CEP350: variants seen among roughly 807,000 people sequenced by gnomAD.
The protein encoded by CEP350 is centrosomal protein 350, also known as centrosome-associated protein 350.
CEP350 carries 126 observed loss-of-function variants against 331.8 expected under a neutral mutation model. The observed-to-expected ratio is 0.38, with a 90% CI of 0.33 to 0.44. The LOEUF is 0.44. Among genes scored for constraint, CEP350 ranks in the 20% least tolerant of loss-of-function variants. The pLI is 1.00. For missense variants in CEP350, 3,406 were observed against 3,634.6 expected (o/e 0.94, Z 1.62); for synonymous variants, 1,200 against 1,259.5 (o/e 0.95, Z 1.00).
intron 1 of CEP350, among the ~76,000 whole-genome samples, chr1:179,983,847 G>A (rs1437717058): frequency 1.3e-5 from 2 of 152,160 alleles, no homozygotes; most frequent in Admixed American, 6.5e-5. Context: ...TGGTAGGTAC[G>A]TGGGCAAAGG....
chr1:180,074,944 G>A, intron 27 of CEP350, 78 bp from the exon 28 acceptor site: 2 of 1,219,634 alleles, frequency 1.6e-6, no homozygotes, highest in Non-Finnish European at 2.3e-6. Context: ...TTGATAAGGT[G>A]GTGAGTGATA....
In CEP350 at chr1:180,093,099, A is replaced by G. The variant is rs770774300; in HGVS notation, c.6994A>G (p.Arg2332Gly). 3 of 1,603,574 alleles carry G rather than the reference A, an allele frequency of 1.9e-6. No homozygotes were observed. The South Asian group carries it at 3.4e-5, about 18-fold the overall frequency. Residue 2332 changes from arginine (R) to glycine (G), a missense_variant, in exon 34 of 38, where the codon AGA becomes GGA. Around this residue, in one of 5 missense-constraint regions of CEP350, gnomAD observed 1,415 missense variants for 1,512.3 expected, o/e 0.94. Transcript: ENST00000367607. ...LHKSEEMLKERQSDQDMNHSP... is the reference protein window; with the variant it reads ...LHKSEEMLKEGQSDQDMNHSP... ...TAAAAGTGAGGAAATGTTGAAAGAG[A>G]GACAGTCAGATCAAGATATGAATCA...
At chr1:180,006,318 A>G (rs112064719) in intron 7 of CEP350, 136 bp from the exon 8 acceptor site, 3 of 600,358 alleles carry the variant, frequency 5.0e-6, no homozygotes, top group African/African-American at 1.9e-5. Flanking sequence ...TATGTGGGCC[A>G]TAGAAGTAGC....
rs368849232 is a variant in CEP350, at chr1:180,075,000, G to A, written c.5568-22G>A. The A allele has an allele frequency of 7.5e-4, 1,197 of 1,587,652 alleles. 2 individuals carry two copies. The highest frequency in any genetic ancestry group is 9.6e-4 in the Non-Finnish European group (1,121 of 1,168,242). On this transcript the variant is annotated intron_variant, in intron 27 of 37. Coordinates refer to ENST00000367607, the MANE Select transcript of CEP350 (RefSeq NM_014810.5). ...GCATATAGGTTTTTTCTCTCAAACT[G>A]TTCTTCATGGTGTGACCATAGGTTT...
rs542056913 is a variant in CEP350, at chr1:180,031,383, G to A, written c.3614G>A (p.Gly1205Asp). The change falls in exon 15 of 38, where the codon GGC becomes GAC. Residue 1205 changes from glycine to aspartate, a missense_variant. Physicochemically the swap from Gly to Asp is moderately conservative, Grantham distance 94. Coordinates refer to ENST00000367607, the MANE Select transcript of CEP350 (RefSeq NM_014810.5). Reference sequence around the variant, plus strand: ...CTTGATGAGGAAAAAGCAGAACGTGGCTCCCATCAAGGAAAGAAATCTGGG... The same window carrying A: ...CTTGATGAGGAAAAAGCAGAACGTGACTCCCATCAAGGAAAGAAATCTGGG... ...SLLDEEKAER[G>D]SHQGKKSGTS... is the part of the protein sequence containing the mutation. 1.1e-5 allele frequency: 17 copies of A among 1,607,642 alleles called. No homozygotes were observed. The African/African-American group carries it at 1.5e-4, about 14-fold the overall frequency.
At chr1:180,060,415 A>AAGAGATCTC (rs1658123634) in intron 25 of CEP350, among the ~76,000 whole-genome samples, 1 of 152,212 alleles carries the variant, frequency 6.6e-6, no homozygotes, top group South Asian at 2.1e-4. Flanking sequence ...TTGGGAGGCC[A>AAGAGATCTC]AAGACAGATC....
chr1:179,955,765 A>G (rs1458237621), intron 1 of CEP350, among the ~76,000 whole-genome samples: 1 of 152,262 alleles, frequency 6.6e-6, no homozygotes, highest in East Asian at 1.9e-4. Flanking sequence ...GATTTTAAAT[A>G]TTCAGATAGA....
chr1:180,082,982 G>A (rs1280406148), intron 30 of CEP350, among the ~76,000 whole-genome samples: 1 of 152,162 alleles, frequency 6.6e-6, no homozygotes, highest in African/African-American at 2.4e-5. Flanking sequence ...TGTCATAGAA[G>A]TGACAGGAAC....
intron 37 of CEP350, among the ~76,000 whole-genome samples, chr1:180,103,096 A>C (rs1024698009): frequency 6.6e-6 from 1 of 152,242 alleles, no homozygotes; most frequent in Non-Finnish European, 1.5e-5. Context: ...TCTGATTTAC[A>C]TAGGGCCCAC....
chr1:180,068,462 T>C (rs1301287891), intron 27 of CEP350, among the ~76,000 whole-genome samples: 1 of 152,116 alleles, frequency 6.6e-6, no homozygotes, highest in Non-Finnish European at 1.5e-5. Context: ...TCTCAATGTT[T>C]TTGGTTTTAT....
intron 31 of CEP350, chr1:180,087,093 CTT>C (rs550044740): frequency 1.3e-5 from 2 of 151,298 alleles, no homozygotes; most frequent in African/African-American, 2.4e-5. Flanking sequence ...AACCAGGAAA[CTT>C]TTTTTTTGTA....
At chr1:179,985,860 C>G (rs968116473) in intron 1 of CEP350, among the ~76,000 whole-genome samples, 1 of 152,104 alleles carries the variant, frequency 6.6e-6, no homozygotes, top group African/African-American at 2.4e-5. Context: ...GGACACAGAA[C>G]CAAACCATAT....
intron 1 of CEP350, among the ~76,000 whole-genome samples, chr1:179,963,883 G>A (rs1650810405): frequency 3.3e-5 from 5 of 152,010 alleles, no homozygotes; most frequent in Admixed American, 3.3e-4. Context: ...CTAATTTGAT[G>A]GGAATAGAAT....
At chr1:180,097,611 G>A (rs78465257) in intron 36 of CEP350, among the ~76,000 whole-genome samples, 1 of 151,962 alleles carries the variant, frequency 6.6e-6, no homozygotes, top group East Asian at 1.9e-4. Flanking sequence ...ATTAAGTTGA[G>A]GTAAGACAAG....
At chr1:180,013,807 A>T in intron 9 of CEP350, 40 bp from the exon 10 acceptor site, 1 of 1,514,698 alleles carries the variant, frequency 6.6e-7, no homozygotes, top group Non-Finnish European at 8.9e-7. Flanking sequence ...AGGAATGAGT[A>T]TAGAATTTCG....
intron 26 of CEP350, among the ~76,000 whole-genome samples, chr1:180,063,328 A>G (rs1024740673): frequency 6.6e-5 from 10 of 151,202 alleles, no homozygotes; most frequent in African/African-American, 1.2e-4. Flanking sequence ...AGTAGCTGGG[A>G]CTATAGGCAT....
chr1:180,033,071 G>T (rs891352224), intron 15 of CEP350, among the ~76,000 whole-genome samples: 2 of 152,018 alleles, frequency 1.3e-5, no homozygotes, highest in African/African-American at 4.8e-5. Flanking sequence ...AAGCAAACTT[G>T]TTTCAGTATA....
intron 6 of CEP350, among the ~76,000 whole-genome samples, chr1:180,002,629 A>C (rs1653942681): frequency 6.6e-6 from 1 of 152,192 alleles, no homozygotes; most frequent in South Asian, 2.1e-4. Context: ...GGAATTTAAA[A>C]CATGTCTACA....
chr1:179,991,992 A>G (rs1288596938), intron 4 of CEP350, 70 bp from the exon 5 acceptor site: 2 of 1,414,012 alleles, frequency 1.4e-6, no homozygotes, highest in Non-Finnish European at 1.9e-6. Flanking sequence ...TTTTTTTTTA[A>G]GATACCAGCC....
Sources: gnomAD v4.1 joint callset for allele counts (sites outside exome capture counted in the v4.1 genomes callset) on GRCh38, gnomAD v4.1.1 for gene constraint, gnomAD v4.1.1 regional missense constraint, MANE v1.5 for transcripts, NCBI Gene and HGNC (gene_info 2026-07-23, HGNC 2026-07-21) for gene names.